APLP1: variants seen among roughly 807,000 people sequenced by gnomAD.
The protein encoded by APLP1 is amyloid beta (A4) precursor-like protein 1.
A neutral mutation model predicts 84.5 loss-of-function variants in APLP1; 46 were observed. That is an observed-to-expected ratio of 0.54 (90% confidence interval 0.43 to 0.70). The LOEUF (loss-of-function observed/expected upper bound fraction) is 0.70, where lower values mean the gene tolerates loss of function less well. APLP1 is among the 30% of genes least tolerant of loss of function. The pLI, the probability that APLP1 is intolerant of heterozygous loss-of-function variation, is 0.00. For missense variants in APLP1, 826 were observed against 900.2 expected (o/e 0.92, Z 1.05); for synonymous variants, 376 against 364.0 (o/e 1.03, Z -0.38).
chr19:35,875,757 A>C (rs528178156), intron 10 of APLP1, among the ~76,000 whole-genome samples: 1 of 124,486 alleles, frequency 8.0e-6, no homozygotes, highest in African/African-American at 3.1e-5. Flanking sequence ...CACCATGCCC[A>C]GCCAGAAACC....
Position 35,874,575 on chromosome 19 carries a change from C to T in APLP1, c.1128C>T (p.His376=), listed in dbSNP as rs760054625. The T allele has an allele frequency of 6.8e-6, 11 of 1,614,202 alleles. No homozygotes were observed. The highest frequency in any genetic ancestry group is 1.1e-5 in the South Asian group (1 of 91,090). The part of the protein sequence containing the change: ...SGERQRLVET[H]ATRVIALIND... ...AGCGACAGCGCCTGGTGGAAACCCACGCCACCCGCGTCATCGCCCTTATCA... is the reference window on the plus strand; with the variant it reads ...AGCGACAGCGCCTGGTGGAAACCCATGCCACCCGCGTCATCGCCCTTATCA... The change falls in exon 9 of 17, where the codon CAC becomes CAT. Residue 376 remains histidine (H), a synonymous_variant. Transcript: ENST00000221891. The surrounding 1 kb of genome is among the most constrained non-coding windows in gnomAD (Gnocchi z 6.4).
intron 10 of APLP1, among the ~76,000 whole-genome samples, chr19:35,875,746 C>T (rs1237874948): frequency 1.3e-5 from 2 of 151,980 alleles, no homozygotes; most frequent in African/African-American, 4.8e-5. Flanking sequence ...CAGGCGTGAG[C>T]CACCATGCCC....
rs148450806 is a variant in APLP1, at chr19:35,870,937, G to C, written c.333G>C (p.Thr111=). 1.6e-5 allele frequency: 26 copies of C among 1,600,394 alleles called. No homozygotes were observed. In the African/African-American group the frequency reaches 3.2e-4, roughly 20 times the overall value. ...AGATTGCACGTGTGGAGCAGGCTAC[G>C]CAGGCCATCCCCATGGAGCGCTGGT... ...ELQIARVEQA[T]QAIPMERWCG... is the part of the protein sequence containing the mutation. Residue 111 remains threonine (T), a synonymous_variant, in exon 3 of 17, where the codon ACG becomes ACC. Coordinates refer to ENST00000221891, the MANE Select transcript of APLP1 (RefSeq NM_001024807.3).
Position 35,869,778 on chromosome 19 carries a change from G to C in APLP1, c.259G>C (p.Asp87His), listed in dbSNP as rs375934057. 6.2e-7 allele frequency: 1 copy of C among 1,604,222 alleles called. No individual in the cohort carries two copies. The highest frequency in any genetic ancestry group is 8.5e-7 in the Non-Finnish European group (1 of 1,176,546). Residue 87 changes from aspartate to histidine, a missense_variant, in exon 2 of 17, where the codon GAC becomes CAC. Coordinates refer to ENST00000221891, the MANE Select transcript of APLP1 (RefSeq NM_001024807.3). Reference protein sequence around the residue: ...DPQRSRRCLRDPQRVLEYCRQ... With the variant: ...DPQRSRRCLRHPQRVLEYCRQ... ...ACAGCGCTCTCGACGCTGTCTCCGG[G>C]ACCCGCAGCGCGTGCTGGAGTACTG... is the stretch of plus-strand genomic sequence containing the variant.
Position 35,879,731 on chromosome 19 carries a change from C to T in APLP1, c.*290C>T, listed in dbSNP as rs1033596747. The T allele has an allele frequency of 1.3e-4, 50 of 395,400 alleles. No individual in the cohort carries two copies. The highest frequency in any genetic ancestry group is 9.8e-4 in the African/African-American group (47 of 47,784). 24.5% of individuals were successfully genotyped at this position (395,400 alleles called of 1,614,324 possible). A position where few individuals can be genotyped will look rare whatever the true frequency, so the allele number is the denominator to read the frequency against. ...CGCCACCTTGGTCCTAGTGTCTATTCCCTGGAATTCACCCTCTCATGTTTC... is the reference window on the plus strand; with the variant it reads ...CGCCACCTTGGTCCTAGTGTCTATTTCCTGGAATTCACCCTCTCATGTTTC... On this transcript the variant is annotated 3_prime_UTR_variant, in exon 17 of 17. Transcript: ENST00000221891.
chr19:35,878,579 G>T lies in APLP1; in HGVS notation c.1580-5G>T. The T allele has an allele frequency of 2.5e-6, 4 of 1,613,980 alleles. No individual in the cohort carries two copies. Among genetic ancestry groups the T allele is most frequent in the Admixed American group, 3.3e-5 (2 of 60,002 alleles). ...AAAAAAGAATGAGATCAGACTTGGG[G>T]GTAGGGTCCACAGAACAAGATGCTG... On this transcript the variant is annotated splice_polypyrimidine_tract_variant and splice_region_variant and intron_variant, in intron 13 of 16. Transcript: ENST00000221891.
At position 35,877,729 on chromosome 19, in the gene APLP1, C is replaced by T; in HGVS notation, c.1456C>T (p.His486Tyr). Residue 486 changes from histidine (H) to tyrosine (Y), a missense_variant, in exon 12 of 17, where the codon CAC (histidine) becomes TAC (tyrosine). His to Tyr is a moderately conservative substitution (Grantham distance 83). Around this residue, in one of 3 missense-constraint regions of APLP1, gnomAD observed 433 missense variants for 496.5 expected, o/e 0.87. Coordinates refer to ENST00000221891, the MANE Select transcript of APLP1 (RefSeq NM_001024807.3). Reference sequence around the variant, plus strand: ...CATGTCCCCCTCAGAGGAACTCCTCCACTCTGAACACCTGGGTCCCAGTGA... The same window carrying T: ...CATGTCCCCCTCAGAGGAACTCCTCTACTCTGAACACCTGGGTCCCAGTGA... ...ELRPQIQELLHSEHLGPSELE... is the reference protein window; with the variant it reads ...ELRPQIQELLYSEHLGPSELE... 6.2e-7 allele frequency: 1 copy of T among 1,612,688 alleles called. No individual in the cohort carries two copies. The highest frequency in any genetic ancestry group is 8.5e-7 in the Non-Finnish European group (1 of 1,179,238).
chr19:35,870,094 A>G (rs1202156669), intron 2 of APLP1: 1 of 470,664 alleles, frequency 2.1e-6, no homozygotes, highest in East Asian at 3.9e-5. Flanking sequence ...GGGCTAAGAC[A>G]GAAAGAGACC....
intron 1 of APLP1, chr19:35,869,083 AG>A (rs1276334476): frequency 1.6e-5 from 5 of 311,596 alleles, no homozygotes; most frequent in Admixed American, 1.0e-4. Context: ...GCCTGGACAT[AG>A]GACCCACCAA....
rs1383775049 is a variant in APLP1 at position 35,871,352 on chromosome 19, C to G, written c.537+3C>G. 6.2e-7 allele frequency: 1 copy of G among 1,604,366 alleles called. No individual in the cohort carries two copies. Among genetic ancestry groups the G allele is most frequent in the Admixed American group, 1.7e-5 (1 of 58,468 alleles). On this transcript the variant is annotated splice_donor_region_variant and intron_variant, in intron 4 of 16. Coordinates refer to ENST00000221891, the MANE Select transcript of APLP1 (RefSeq NM_001024807.3). ...GGAGGCATCAGGAGGCACAGGAGGT[C>G]AGGACGTTGGCCCACCCGTCCCCAG...
In APLP1 at chr19:35,874,416, C is replaced by T; in HGVS notation, c.1057-88C>T. ...CTGGACCCCTGGAACGCCCCCCAACCCCATGTAGCCCTGCCTTTCCAGGCT... is the reference window on the plus strand; with the variant it reads ...CTGGACCCCTGGAACGCCCCCCAACTCCATGTAGCCCTGCCTTTCCAGGCT... On this transcript the variant is annotated intron_variant, in intron 8 of 16. Coordinates refer to ENST00000221891, the MANE Select transcript of APLP1 (RefSeq NM_001024807.3). This position sits in a 1 kb window ranked among gnomAD's most constrained non-coding sequence, Gnocchi z 6.4. 2.6e-6 allele frequency: 4 copies of T among 1,533,348 alleles called. No homozygotes were observed. The highest frequency in any genetic ancestry group is 3.6e-6 in the Non-Finnish European group (4 of 1,119,312). 95.0% of individuals were successfully genotyped at this position (1,533,348 alleles called of 1,614,324 possible). A position where few individuals can be genotyped will look rare whatever the true frequency, so the allele number is the denominator to read the frequency against.
Position 35,877,724 on chromosome 19 carries a change from T to C in APLP1, c.1451T>C (p.Leu484Pro). The part of the protein sequence containing the change: ...AQELRPQIQE[L>P]LHSEHLGPSE... ...TTCTGCATGTCCCCCTCAGAGGAACTCCTCCACTCTGAACACCTGGGTCCC... is the reference window on the plus strand; with the variant it reads ...TTCTGCATGTCCCCCTCAGAGGAACCCCTCCACTCTGAACACCTGGGTCCC... Residue 484 changes from leucine (L) to proline (P), a missense_variant, in exon 12 of 17, where the codon CTC becomes CCC. Leu to Pro is a moderately conservative substitution (Grantham distance 98). Coordinates refer to ENST00000221891, the MANE Select transcript of APLP1 (RefSeq NM_001024807.3). 6.2e-7 allele frequency: 1 copy of C among 1,611,956 alleles called. No individual in the cohort carries two copies. Among genetic ancestry groups the C allele is most frequent in the Non-Finnish European group, 8.5e-7 (1 of 1,178,730 alleles).
Position 35,874,537 on chromosome 19 carries a change from C to T in APLP1, c.1090C>T (p.Gln364Ter). Residue 364 changes from glutamine (Q) to a stop codon, truncating the protein, a stop_gained, in exon 9 of 17, where the codon CAG (glutamine) becomes TAG (stop). Coordinates refer to ENST00000221891, the MANE Select transcript of APLP1 (RefSeq NM_001024807.3). LOFTEE classifies it high-confidence loss of function. This position sits in a 1 kb window ranked among gnomAD's most constrained non-coding sequence, Gnocchi z 6.4. ...FQSILQTLEE[Q>*]VSGERQRLVE... is the part of the protein sequence containing the mutation. ...GTCCATTCTGCAGACTCTGGAGGAG[C>T]AGGTGTCTGGTGAGCGACAGCGCCT... The T allele has an allele frequency of 6.2e-7, 1 of 1,614,244 alleles. No individual in the cohort carries two copies. The highest frequency in any genetic ancestry group is 8.5e-7 in the Non-Finnish European group (1 of 1,180,046).
At chr19:35,877,458 C>A (rs1056922697) in intron 11 of APLP1, among the ~76,000 whole-genome samples, 2 of 148,970 alleles carry the variant, frequency 1.3e-5, no homozygotes, top group Admixed American at 6.7e-5. Context: ...CATTGCACTC[C>A]AGCTGGGCAA....
chr19:35,878,698 G>T, intron 14 of APLP1, 44 bp downstream of exon 14: 1 of 1,608,150 alleles, frequency 6.2e-7, no homozygotes, highest in Non-Finnish European at 8.5e-7. Context: ...GAACAAGATC[G>T]GGGCCTATAT....
At chr19:35,871,495 C>T in intron 4 of APLP1, 117 bp from the exon 5 acceptor site, 2 of 1,440,304 alleles carry the variant, frequency 1.4e-6, no homozygotes, top group East Asian at 4.6e-5. Context: ...CAACCCCTTC[C>T]TCTAGAAGCA....
At chr19:35,878,130 C>G in intron 13 of APLP1, 22 bp downstream of exon 13, 1 of 1,609,824 alleles carries the variant, frequency 6.2e-7, no homozygotes, top group Non-Finnish European at 8.5e-7. Flanking sequence ...ACAGTTAACC[C>G]CAGCCTCCAA....
chr19:35,875,108 C>T (rs922351790), intron 10 of APLP1, among the ~76,000 whole-genome samples: 1 of 151,710 alleles, frequency 6.6e-6, no homozygotes, highest in Admixed American at 6.6e-5. Flanking sequence ...CTCCCCCCGC[C>T]GTCGATCCTA....
intron 14 of APLP1, 69 bp downstream of exon 14, chr19:35,878,723 G>T: frequency 6.3e-7 from 1 of 1,581,148 alleles, no homozygotes; most frequent in South Asian, 1.1e-5. Flanking sequence ...GGGTACGAGG[G>T]AGGAGATGCT....
Sources: gnomAD v4.1 joint callset for allele counts (sites outside exome capture counted in the v4.1 genomes callset) on GRCh38, gnomAD v4.1.1 for gene constraint, gnomAD v4.1.1 regional missense constraint, Gnocchi (gnomAD v3.1) non-coding constraint, MANE v1.5 for transcripts, NCBI Gene and HGNC (gene_info 2026-07-23, HGNC 2026-07-21) for gene names.